DSCAM: variants seen among roughly 807,000 people sequenced by gnomAD.
The protein encoded by DSCAM is DS cell adhesion molecule.
A neutral mutation model predicts 217.7 loss-of-function variants in DSCAM; 47 were observed. The observed-to-expected ratio is 0.22, with a 90% CI of 0.17 to 0.28. The LOEUF (loss-of-function observed/expected upper bound fraction) is 0.28, where lower values mean the gene tolerates loss of function less well. DSCAM is among the 10% of genes least tolerant of loss of function. The probability of loss-of-function intolerance (pLI) is 1.00; values close to 1 mark genes in which losing one functional copy is unlikely to be tolerated. For synonymous variants in DSCAM, 1,056 were observed against 1,015.3 expected, an observed-to-expected ratio of 1.04 and a Z score of -0.76; for missense variants, 2,080 against 2,618.3, an observed-to-expected ratio of 0.79 and a Z score of 4.49.
In DSCAM at chr21:40,411,177, C is replaced by T. The variant is rs556502746; in HGVS notation, c.509-41932G>A. On this transcript the variant is annotated intron_variant, in intron 3 of 32. Coordinates refer to ENST00000400454, the MANE Select transcript of DSCAM (RefSeq NM_001389.5). ...CTTGAAGATAGACAGTAATTATATA[C>T]ACACACACACACACACACACACACA... 6.2e-3 allele frequency among the ~76,000 whole-genome samples: 76 copies of T among 12,250 alleles called. 1 individual carries two copies. In the East Asian group the frequency reaches 0.073, roughly 12 times the overall value. 8.0% of individuals were successfully genotyped at this position (12,250 alleles called of 152,430 possible). A position where few individuals can be genotyped will look rare whatever the true frequency, so the allele number is the denominator to read the frequency against.
At chr21:40,066,099 G>T (rs1019342654) in intron 27 of DSCAM, among the ~76,000 whole-genome samples, 1 of 152,238 alleles carries the variant, frequency 6.6e-6, no homozygotes, top group Non-Finnish European at 1.5e-5. Flanking sequence ...AGGCAGGGGT[G>T]AAGCTTCGGT....
At chr21:40,782,983 A>C (rs1455471084) in intron 1 of DSCAM, among the ~76,000 whole-genome samples, 1 of 152,216 alleles carries the variant, frequency 6.6e-6, no homozygotes. Flanking sequence ...TAGGAGGGAA[A>C]TTCAGATTAT....
intron 3 of DSCAM, among the ~76,000 whole-genome samples, chr21:40,382,673 C>T (rs2075039296): frequency 6.6e-6 from 1 of 152,188 alleles, no homozygotes; most frequent in Non-Finnish European, 1.5e-5. Context: ...TCGTGTCACT[C>T]CCACTCCACT....
At chr21:40,188,050 G>T in intron 12 of DSCAM, 63 bp from the exon 13 acceptor site, 2 of 1,271,108 alleles carry the variant, frequency 1.6e-6, no homozygotes, top group Non-Finnish European at 2.2e-6. Flanking sequence ...GAGCCGTAAA[G>T]CTCTCTCTCT....
intron 1 of DSCAM, among the ~76,000 whole-genome samples, chr21:40,744,076 T>C (rs2091150840): frequency 1.3e-5 from 2 of 152,202 alleles, no homozygotes; most frequent in African/African-American, 4.8e-5. Flanking sequence ...GCTTGTATAA[T>C]GCCACTCACA....
chr21:40,418,312 T>G lies in DSCAM; in HGVS notation c.509-49067A>C, dbSNP rs73902612. 6.3e-3 allele frequency among the ~76,000 whole-genome samples: 967 copies of G among 152,302 alleles called. 9 individuals are homozygous for G. The highest frequency in any genetic ancestry group is 0.022 in the African/African-American group (900 of 41,560). ...AGTGAACGTCCTCTAAACTTTGACATGGTATCTGAGCAAAAAATCTTCTAA... is the reference window on the plus strand; with the variant it reads ...AGTGAACGTCCTCTAAACTTTGACAGGGTATCTGAGCAAAAAATCTTCTAA... On this transcript the variant is annotated intron_variant, in intron 3 of 32. Transcript: ENST00000400454.
intron 11 of DSCAM, among the ~76,000 whole-genome samples, chr21:40,204,207 A>G (rs1003749833): frequency 6.6e-6 from 1 of 152,208 alleles, no homozygotes; most frequent in Non-Finnish European, 1.5e-5. Flanking sequence ...GCGTGTGTGC[A>G]CACACATGTA....
chr21:40,018,306 A>G (rs1214399039), intron 32 of DSCAM, among the ~76,000 whole-genome samples: 2 of 152,152 alleles, frequency 1.3e-5, no homozygotes, highest in Non-Finnish European at 2.9e-5. Context: ...TTTATTCCTA[A>G]GAATCTGATA....
intron 3 of DSCAM, among the ~76,000 whole-genome samples, chr21:40,399,932 T>C (rs928051197): frequency 1.3e-5 from 2 of 152,226 alleles, no homozygotes; most frequent in Non-Finnish European, 2.9e-5. Flanking sequence ...GTCCCTGGAT[T>C]TCCCAGTTCC....
chr21:40,804,038 C>A (rs2091765085), intron 1 of DSCAM, among the ~76,000 whole-genome samples: 1 of 150,620 alleles, frequency 6.6e-6, no homozygotes, highest in African/African-American at 2.5e-5. Flanking sequence ...GCTAAAAATC[C>A]TTTAAACCAC....
chr21:40,046,541 A>G (rs553989492), intron 30 of DSCAM, among the ~76,000 whole-genome samples: 1 of 152,234 alleles, frequency 6.6e-6, no homozygotes, highest in Non-Finnish European at 1.5e-5. Flanking sequence ...AAAAAGACAG[A>G]AAAACATTAT....
chr21:40,501,057 C>G (rs2076166793), intron 3 of DSCAM, among the ~76,000 whole-genome samples: 1 of 152,162 alleles, frequency 6.6e-6, no homozygotes, highest in Non-Finnish European at 1.5e-5. Flanking sequence ...TTCATACAGC[C>G]TAAAGGTAGA....
intron 1 of DSCAM, among the ~76,000 whole-genome samples, chr21:40,817,590 T>G (rs1038938653): frequency 6.6e-6 from 1 of 152,162 alleles, no homozygotes; most frequent in Non-Finnish European, 1.5e-5. Flanking sequence ...TGATGCATAA[T>G]GCATTGTGCC....
At chr21:40,425,401 T>G (rs2075462810) in intron 3 of DSCAM, among the ~76,000 whole-genome samples, 1 of 152,052 alleles carries the variant, frequency 6.6e-6, no homozygotes, top group African/African-American at 2.4e-5. Context: ...CATGCGGTGT[T>G]TGGTTGACGA....
intron 3 of DSCAM, among the ~76,000 whole-genome samples, chr21:40,503,942 G>A (rs1361630430): frequency 6.6e-6 from 1 of 152,198 alleles, no homozygotes; most frequent in African/African-American, 2.4e-5. Flanking sequence ...GGTCATTTCT[G>A]CTAGTTCACT....
At chr21:40,391,965 G>C (rs556752311) in intron 3 of DSCAM, among the ~76,000 whole-genome samples, 1 of 152,332 alleles carries the variant, frequency 6.6e-6, no homozygotes, top group East Asian at 1.9e-4. Context: ...ATGTGAAAAA[G>C]AGCATGGAGT....
intron 3 of DSCAM, among the ~76,000 whole-genome samples, chr21:40,622,488 A>G (rs1361174095): frequency 6.6e-6 from 1 of 151,856 alleles, no homozygotes; most frequent in African/African-American, 2.4e-5. Flanking sequence ...ACCAGTTTTG[A>G]CTCCATTTGC....
intron 3 of DSCAM, among the ~76,000 whole-genome samples, chr21:40,506,187 G>T (rs56727890): frequency 0.062 from 9,466 of 152,226 alleles, 423 homozygotes; most frequent in African/African-American, 0.12. Context: ...AATGAGCATC[G>T]GCTAGGCTTA....
chr21:40,249,369 A>T (rs908231520), intron 11 of DSCAM, among the ~76,000 whole-genome samples: 1 of 152,106 alleles, frequency 6.6e-6, no homozygotes, highest in Non-Finnish European at 1.5e-5. Flanking sequence ...TGATGGTTTT[A>T]TCAGAGGTTT....
Sources: allele counts gnomAD v4.1 joint callset (sites outside exome capture counted in the v4.1 genomes callset), GRCh38; gene constraint gnomAD v4.1.1; transcripts MANE v1.5; gene names NCBI Gene and HGNC (gene_info 2026-07-23, HGNC 2026-07-21).